PRKG1: variants seen among roughly 807,000 people sequenced by gnomAD.
PRKG1 encodes the protein cGMP-dependent protein kinase 1.
Under a neutral mutation model 88.1 loss-of-function variants are expected in PRKG1, and 35 were observed. The ratio of observed to expected loss-of-function variants is 0.40; its 90% CI spans 0.30 to 0.53. PRKG1 has a LOEUF of 0.53. PRKG1 is among the 20% of genes least tolerant of loss of function. The probability of loss-of-function intolerance (pLI) is 0.59; values close to 1 mark genes in which losing one functional copy is unlikely to be tolerated. For missense variants in PRKG1, 540 were observed against 839.8 expected, an observed-to-expected ratio of 0.64 and a Z score of 4.41; for synonymous variants, 303 against 292.5, an observed-to-expected ratio of 1.04 and a Z score of -0.37.
chr10:52,047,304 C>A (rs138603163), intron 5 of PRKG1, among the ~76,000 whole-genome samples: 1 of 152,032 alleles, frequency 6.6e-6, no homozygotes, highest in Non-Finnish European at 1.5e-5. Flanking sequence ...CAAATCCTTT[C>A]GACAATGGTT....
rs60587885 is a variant in PRKG1, at chr10:51,908,733, A to ATATATATATATATATAT, written c.762+1163_762+1164insTATATATATATATATAT. 11 of 131,652 alleles carry ATATATATATATATATAT rather than the reference A, an allele frequency of 8.4e-5. 1 individual carries two copies. Among genetic ancestry groups the ATATATATATATATATAT allele is most frequent in the South Asian group, 2.7e-4 (1 of 3,734 alleles). 8.2% of individuals were successfully genotyped at this position (131,652 alleles called of 1,614,324 possible). On this transcript the variant is annotated intron_variant, in intron 5 of 17. Coordinates refer to ENST00000373980, the MANE Select transcript of PRKG1 (RefSeq NM_006258.4). ...TCTCTCTGTCTATCTATCTATATGT[A>ATATATATATATATATAT]ATTTTTTTTTTTTTGAGACAGTGTC...
intron 1 of PRKG1, among the ~76,000 whole-genome samples, chr10:51,088,792 G>A (rs1008345645): frequency 1.3e-5 from 2 of 148,880 alleles, no homozygotes; most frequent in African/African-American, 2.5e-5. Flanking sequence ...ATGGCACACA[G>A]TAGATATTTA....
At chr10:51,356,158 T>C (rs976321126) in intron 2 of PRKG1, among the ~76,000 whole-genome samples, 2 of 151,562 alleles carry the variant, frequency 1.3e-5, no homozygotes, top group African/African-American at 4.9e-5. Context: ...CAAAGATCAC[T>C]GTAAAGGAAA....
At chr10:51,461,319 A>G (rs1485626108) in intron 2 of PRKG1, among the ~76,000 whole-genome samples, 2 of 152,160 alleles carry the variant, frequency 1.3e-5, no homozygotes, top group Non-Finnish European at 2.9e-5. Flanking sequence ...TTCTATGATG[A>G]TGTCAAAGAA....
chr10:51,555,708 C>T (rs943370280), intron 3 of PRKG1, among the ~76,000 whole-genome samples: 3 of 151,892 alleles, frequency 2.0e-5, no homozygotes, highest in Non-Finnish European at 4.4e-5. Flanking sequence ...TCAAGTGTAT[C>T]GGAAAGTTTA....
At position 51,586,712 on chromosome 10, in the gene PRKG1, A is replaced by G. The variant is rs1403480934; in HGVS notation, c.592+118876A>G. Among the ~76,000 whole-genome samples, 4 of 152,130 alleles carry G rather than the reference A, an allele frequency of 2.6e-5. No homozygotes were observed. The East Asian group carries it at 7.7e-4, about 29-fold the overall frequency. On this transcript the variant is annotated intron_variant, in intron 3 of 17. Transcript: ENST00000373980. ...AATAAGTTTTTTACTGATGACAGAG[A>G]GTATCTGTGCTATTTTTCCTACTGT...
intron 3 of PRKG1, among the ~76,000 whole-genome samples, chr10:51,739,923 G>A (rs1247565225): frequency 3.9e-5 from 6 of 152,100 alleles, no homozygotes; most frequent in Non-Finnish European, 7.3e-5. Context: ...CCTGGGTGAC[G>A]GAGCAAAACC....
intron 3 of PRKG1, among the ~76,000 whole-genome samples, chr10:51,562,193 C>G (rs1047996396): frequency 4.7e-5 from 7 of 148,786 alleles, no homozygotes; most frequent in African/African-American, 1.7e-4. Flanking sequence ...CACTGCACTA[C>G]AGCCTAGGTG....
Position 51,490,302 on chromosome 10 carries a change from C to G in PRKG1, c.592+22466C>G, listed in dbSNP as rs1840671381. Among the ~76,000 whole-genome samples the G allele has an allele frequency of 2.0e-5, 3 of 152,058 alleles. No individual in the cohort carries two copies. In the South Asian group the frequency reaches 6.2e-4, roughly 31 times the overall value. The stretch of plus-strand genomic sequence containing the variant: ...TTCTGGTGATTCCACATTTGTGGTT[C>G]TTGCATTTATAGGTAAACACTTATT... On this transcript the variant is annotated intron_variant, in intron 3 of 17. Coordinates refer to ENST00000373980, the MANE Select transcript of PRKG1 (RefSeq NM_006258.4).
intron 12 of PRKG1, among the ~76,000 whole-genome samples, chr10:52,273,917 G>A (rs1841798410): frequency 6.6e-6 from 1 of 152,048 alleles, no homozygotes; most frequent in Non-Finnish European, 1.5e-5. Flanking sequence ...GTGGCACAAA[G>A]TTAATATTTT....
chr10:52,023,744 C>G (rs934994776), intron 5 of PRKG1, among the ~76,000 whole-genome samples: 2 of 152,184 alleles, frequency 1.3e-5, no homozygotes, highest in Non-Finnish European at 2.9e-5. Context: ...ATATCCTTCG[C>G]TCACTTTTTG....
chr10:51,932,148 CTTAT>C (rs1658654494), intron 5 of PRKG1, among the ~76,000 whole-genome samples: 1 of 148,930 alleles, frequency 6.7e-6, no homozygotes, highest in Non-Finnish European at 1.5e-5. Flanking sequence ...CAGAAATCTT[CTTAT>C]TTAAGATATT....
chr10:52,123,875 A>C (rs1299940809), intron 7 of PRKG1, among the ~76,000 whole-genome samples: 1 of 152,070 alleles, frequency 6.6e-6, no homozygotes, highest in Non-Finnish European at 1.5e-5. Flanking sequence ...ACCTCCAGAC[A>C]CTGAATGATG....
intron 3 of PRKG1, among the ~76,000 whole-genome samples, chr10:51,721,335 T>C (rs1385772787): frequency 6.6e-6 from 1 of 152,174 alleles, no homozygotes; most frequent in Admixed American, 6.5e-5. Flanking sequence ...TAGGTTTTAT[T>C]AAATGCACTC....
intron 3 of PRKG1, among the ~76,000 whole-genome samples, chr10:51,624,383 T>G (rs560647437): frequency 4.1e-4 from 62 of 152,322 alleles, no homozygotes; most frequent in African/African-American, 1.5e-3. Flanking sequence ...CTTCTGTTTA[T>G]TTGGGGGCTT....
At chr10:52,144,773 C>T (rs1837686350) in intron 8 of PRKG1, among the ~76,000 whole-genome samples, 1 of 152,066 alleles carries the variant, frequency 6.6e-6, no homozygotes, top group Non-Finnish European at 1.5e-5. Flanking sequence ...GCTGAGATCG[C>T]ATCACTGTAC....
intron 1 of PRKG1, among the ~76,000 whole-genome samples, chr10:51,081,826 A>G (rs188118794): frequency 1.3e-5 from 2 of 152,298 alleles, no homozygotes; most frequent in East Asian, 3.9e-4. Flanking sequence ...ACACAGCCAT[A>G]GCTCACTGCA....
chr10:51,471,656 G>A (rs1840052814), intron 3 of PRKG1, among the ~76,000 whole-genome samples: 1 of 151,882 alleles, frequency 6.6e-6, no homozygotes, highest in African/African-American at 2.4e-5. Flanking sequence ...CAATGAGAGG[G>A]ATTCAGTGAC....
In PRKG1 at chr10:52,282,227, A is replaced by G. The variant is rs779857368; in HGVS notation, c.1620A>G (p.Val540=). 6.2e-7 allele frequency: 1 copy of G among 1,612,126 alleles called. No individual in the cohort carries two copies. The highest frequency in any genetic ancestry group is 1.1e-5 in the South Asian group (1 of 90,826). The change falls in exon 14 of 18, where the codon GTA becomes GTG. Residue 540 remains valine, a synonymous_variant. Coordinates refer to ENST00000373980, the MANE Select transcript of PRKG1 (RefSeq NM_006258.4). ...TWTFCGTPEY[V]APEIILNKGH... Reference sequence around the variant, plus strand: ...CTTTTTGTGGGACTCCAGAGTATGTAGCCCCAGAGATCATCCTGAACAAAG... The same window carrying G: ...CTTTTTGTGGGACTCCAGAGTATGTGGCCCCAGAGATCATCCTGAACAAAG...
Sources: allele counts gnomAD v4.1 joint callset (sites outside exome capture counted in the v4.1 genomes callset), GRCh38; gene constraint gnomAD v4.1.1; transcripts MANE v1.5; gene names NCBI Gene and HGNC (gene_info 2026-07-23, HGNC 2026-07-21).